Variants in ALDH5A1 observed in about 807,000 individuals in gnomAD.
The protein encoded by ALDH5A1 is aldehyde dehydrogenase 5 family member A1.
Under a neutral mutation model 54.7 loss-of-function variants are expected in ALDH5A1, and 33 were observed. The observed-to-expected ratio is 0.60, with a 90% CI of 0.46 to 0.81. ALDH5A1 has a LOEUF of 0.81. Ranked by LOEUF, ALDH5A1 falls within the 30% of genes least tolerant of loss-of-function variation. The pLI, the probability that ALDH5A1 is intolerant of heterozygous loss-of-function variation, is 0.00. For missense variants in ALDH5A1, 657 were observed against 711.0 expected, an observed-to-expected ratio of 0.92 and a Z score of 0.86; for synonymous variants, 294 against 292.7, an observed-to-expected ratio of 1.00 and a Z score of -0.05.
At chr6:24,512,685 T>C (rs893898159) in intron 4 of ALDH5A1, among the ~76,000 whole-genome samples, 1 of 151,950 alleles carries the variant, frequency 6.6e-6, no homozygotes, top group Non-Finnish European at 1.5e-5. Flanking sequence ...TTGTTTGTTT[T>C]GTTTTGTTTT....
At chr6:24,499,668 CT>C (rs869265243) in intron 1 of ALDH5A1, among the ~76,000 whole-genome samples, 76 of 66,720 alleles carry the variant, frequency 1.1e-3, no homozygotes, top group East Asian at 1.3e-3. Flanking sequence ...AATTTCTTTT[CT>C]TTTTTTTTTT....
intron 1 of ALDH5A1, among the ~76,000 whole-genome samples, chr6:24,496,869 T>A (rs753788767): frequency 7.2e-5 from 11 of 152,154 alleles, no homozygotes; most frequent in Non-Finnish European, 1.0e-4. Context: ...TGCACTCACA[T>A]TCTGAGATAC....
chr6:24,504,728 T>G, intron 3 of ALDH5A1, 141 bp from the exon 4 acceptor site: 1 of 827,598 alleles, frequency 1.2e-6, no homozygotes, highest in Non-Finnish European at 2.1e-6. Context: ...TCAGGTGTTC[T>G]GAGAGCTCAC....
intron 1 of ALDH5A1, among the ~76,000 whole-genome samples, chr6:24,499,902 G>A (rs377246204): frequency 1.8e-3 from 275 of 152,126 alleles, no homozygotes; most frequent in African/African-American, 6.2e-3. Context: ...CTCATGATCC[G>A]CCCGCCTCGG....
intron 4 of ALDH5A1, among the ~76,000 whole-genome samples, chr6:24,512,276 A>G (rs191624026): frequency 2.0e-5 from 3 of 152,272 alleles, no homozygotes; most frequent in Admixed American, 1.3e-4. Context: ...CAGGATCTGT[A>G]TGCTCTCCCA....
chr6:24,507,448 A>C (rs2744586), intron 4 of ALDH5A1, among the ~76,000 whole-genome samples: 37,352 of 151,640 alleles, frequency 0.25, 4,789 homozygotes, highest in African/African-American at 0.27. Flanking sequence ...TTTTACCTAG[A>C]TACACAAAAG....
intron 4 of ALDH5A1, among the ~76,000 whole-genome samples, chr6:24,508,033 ATGT>A (rs1477295512): frequency 6.6e-6 from 1 of 152,020 alleles, no homozygotes; most frequent in Non-Finnish European, 1.5e-5. Flanking sequence ...AGAACATATG[ATGT>A]TTAGTTTTCC....
At chr6:24,526,262 A>C (rs1759796537) in intron 7 of ALDH5A1, among the ~76,000 whole-genome samples, 1 of 152,174 alleles carries the variant, frequency 6.6e-6, no homozygotes, top group Non-Finnish European at 1.5e-5. Context: ...ACCAAGGATC[A>C]TGATGGGAAA....
Position 24,495,224 on chromosome 6 carries a change from C to T in ALDH5A1, c.228C>T (p.Phe76=). Residue 76 remains phenylalanine, a synonymous_variant, in exon 1 of 10, where the codon TTC becomes TTT. Coordinates refer to ENST00000357578, the MANE Select transcript of ALDH5A1 (RefSeq NM_001080.3). ...GCTGGCTCCCGGCCGCCGCCACCTT[C>T]CCCGTGCAAGACCCGGCCAGCGGCG... ...GGRWLPAAAT[F]PVQDPASGAA... 1 of 1,514,228 alleles carries T rather than the reference C, an allele frequency of 6.6e-7. No individual in the cohort carries two copies. 93.8% of individuals were successfully genotyped at this position (1,514,228 alleles called of 1,614,324 possible).
intron 1 of ALDH5A1, among the ~76,000 whole-genome samples, chr6:24,499,060 C>G (rs1397011897): frequency 1.4e-5 from 2 of 144,790 alleles, no homozygotes; most frequent in Non-Finnish European, 3.0e-5. Context: ...GAGATCATGC[C>G]AACTGCACTC....
intron 9 of ALDH5A1, 29 bp downstream of exon 9, chr6:24,532,206 T>C (rs1359397392): frequency 6.2e-7 from 1 of 1,609,300 alleles, no homozygotes; most frequent in South Asian, 1.1e-5. Context: ...TCAATACCAG[T>C]CATAATCATT....
chr6:24,516,933 T>C (rs1352017756), intron 5 of ALDH5A1, among the ~76,000 whole-genome samples: 1 of 152,030 alleles, frequency 6.6e-6, no homozygotes, highest in Non-Finnish European at 1.5e-5. Flanking sequence ...CAAAAAATAA[T>C]AAAAATAAAA....
chr6:24,508,338 G>A (rs1379758561), intron 4 of ALDH5A1, among the ~76,000 whole-genome samples: 1 of 134,554 alleles, frequency 7.4e-6, no homozygotes, highest in Non-Finnish European at 1.5e-5. Flanking sequence ...CTCCAGCCAG[G>A]TGACAGAGCA....
intron 5 of ALDH5A1, among the ~76,000 whole-genome samples, chr6:24,515,875 A>G (rs889915172): frequency 1.3e-5 from 2 of 152,174 alleles, no homozygotes; most frequent in African/African-American, 4.8e-5. Flanking sequence ...TTTGTTGTAT[A>G]TGAAGTGGGT....
chr6:24,523,043 A>G (rs956031009), intron 7 of ALDH5A1, 118 bp downstream of exon 7: 3 of 900,382 alleles, frequency 3.3e-6, no homozygotes, highest in African/African-American at 3.3e-5. Context: ...TTGACAGAAT[A>G]TTACAGCTAG....
chr6:24,495,496 C>T, intron 1 of ALDH5A1, 146 bp downstream of exon 1: 2 of 815,648 alleles, frequency 2.5e-6, no homozygotes, highest in Non-Finnish European at 3.7e-6. Context: ...GTCAGAGCAA[C>T]AAGGGAGACG....
At position 24,504,909 on chromosome 6, in the gene ALDH5A1, C is replaced by A. The variant is rs201820880; in HGVS notation, c.650C>A (p.Ala217Asp). ...GCCATGATCACCCGGAAGGTGGGGG[C>A]CGCCCTGGCAGCCGGCTGTACTGTC... ...PSAMITRKVGAALAAGCTVVV... is the reference protein window; with the variant it reads ...PSAMITRKVGDALAAGCTVVV... Residue 217 changes from alanine to aspartate, a missense_variant, in exon 4 of 10, where the codon GCC (alanine) becomes GAC (aspartate). Physicochemically the swap from Ala to Asp is moderately radical, Grantham distance 126. Transcript: ENST00000357578. The A allele has an allele frequency of 6.2e-7, 1 of 1,614,242 alleles. No homozygotes were observed. The highest frequency in any genetic ancestry group is 2.2e-5 in the East Asian group (1 of 44,882).
chr6:24,533,958 G>T lies in ALDH5A1; in HGVS notation c.*246G>T. On this transcript the variant is annotated 3_prime_UTR_variant, in exon 10 of 10. Transcript: ENST00000357578. ...ACCAGCACTGGGTTTACAGAATGAGGCCCTGGCTCCCCACCACAGCCCCAG... is the reference window on the plus strand; with the variant it reads ...ACCAGCACTGGGTTTACAGAATGAGTCCCTGGCTCCCCACCACAGCCCCAG... 1 of 465,658 alleles carries T rather than the reference G, an allele frequency of 2.1e-6. No homozygotes were observed. Among genetic ancestry groups the T allele is most frequent in the Non-Finnish European group, 3.9e-6 (1 of 256,060 alleles). 28.8% of individuals were successfully genotyped at this position (465,658 alleles called of 1,614,324 possible).
At chr6:24,515,415 C>G in intron 5 of ALDH5A1, 105 bp downstream of exon 5, 1 of 1,383,354 alleles carries the variant, frequency 7.2e-7, no homozygotes. Context: ...GGAAAGATTT[C>G]CAGCAGAGTG....
Sources: allele counts gnomAD v4.1 joint callset (sites outside exome capture counted in the v4.1 genomes callset), GRCh38; gene constraint gnomAD v4.1.1; transcripts MANE v1.5; gene names NCBI Gene and HGNC (gene_info 2026-07-23, HGNC 2026-07-21).